CIT: variants seen among roughly 807,000 people sequenced by gnomAD.
CIT encodes the protein citron Rho-interacting kinase.
CIT carries 79 observed loss-of-function variants against 272.7 expected under a neutral mutation model. The ratio of observed to expected loss-of-function variants is 0.29; its 90% confidence interval spans 0.24 to 0.35. The LOEUF is 0.35. CIT is among the 10% of genes least tolerant of loss of function. The pLI, the probability that CIT is intolerant of heterozygous loss-of-function variation, is 1.00. For synonymous variants in CIT, 948 were observed against 995.6 expected (o/e 0.95, Z 0.90); for missense variants, 1,909 against 2,618.3 (o/e 0.73, Z 5.91).
At chr12:119,788,033 A>G (rs751219049) in intron 10 of CIT, among the ~76,000 whole-genome samples, 1 of 152,336 alleles carries the variant, frequency 6.6e-6, no homozygotes, top group Non-Finnish European at 1.5e-5. Context: ...GGCCTAAAGC[A>G]ATTGCTTAAA....
intron 13 of CIT, among the ~76,000 whole-genome samples, chr12:119,778,433 C>A (rs1207797866): frequency 6.6e-6 from 1 of 152,060 alleles, no homozygotes; most frequent in African/African-American, 2.4e-5. Context: ...ACGAAATGAA[C>A]AAGGAATTGA....
rs139848137 is a variant in CIT, at chr12:119,808,197, C to T, written c.1112-4808G>A. On this transcript the variant is annotated intron_variant, in intron 9 of 47. Coordinates refer to ENST00000392521, the MANE Select transcript of CIT (RefSeq NM_001206999.2). ...TTTTGAGGGGAAAAAAATTATCATC[C>T]TCAAAAATATTCGAAAAAAAACAAG... is the stretch of plus-strand genomic sequence containing the variant. 1.1e-4 allele frequency among the ~76,000 whole-genome samples: 16 copies of T among 152,000 alleles called. No individual in the cohort carries two copies. The East Asian group carries it at 2.7e-3, about 26-fold the overall frequency.
intron 23 of CIT, among the ~76,000 whole-genome samples, chr12:119,746,873 T>A (rs1223663540): frequency 2.0e-5 from 3 of 152,202 alleles, no homozygotes; most frequent in African/African-American, 7.2e-5. Context: ...AAGAAAATGG[T>A]AAGTCATATG....
intron 10 of CIT, among the ~76,000 whole-genome samples, chr12:119,794,399 T>C (rs1965556702): frequency 1.3e-5 from 2 of 152,238 alleles, no homozygotes; most frequent in South Asian, 4.1e-4. Context: ...GTGCTGCATG[T>C]ATGCTGGCAT....
At chr12:119,696,402 A>G (rs1956224524) in intron 46 of CIT, among the ~76,000 whole-genome samples, 1 of 152,216 alleles carries the variant, frequency 6.6e-6, no homozygotes, top group Non-Finnish European at 1.5e-5. Flanking sequence ...GAGACCACTC[A>G]GAGGGCTAGG....
At chr12:119,780,056 C>G (rs931459282) in intron 13 of CIT, among the ~76,000 whole-genome samples, 4 of 152,090 alleles carry the variant, frequency 2.6e-5, no homozygotes, top group African/African-American at 9.7e-5. Flanking sequence ...GCCCACCTAA[C>G]GCAAGTCTTC....
chr12:119,810,616 TC>T (rs896744404), intron 9 of CIT, among the ~76,000 whole-genome samples: 1 of 147,346 alleles, frequency 6.8e-6, no homozygotes, highest in Non-Finnish European at 1.5e-5. Flanking sequence ...GGCAGGAGAA[TC>T]CCTCAAACCC....
intron 3 of CIT, 56 bp downstream of exon 3, chr12:119,869,004 T>G: frequency 6.3e-7 from 1 of 1,596,016 alleles, no homozygotes; most frequent in South Asian, 1.1e-5. Context: ...GCCTCAAGCA[T>G]CTTTCTAGTT....
chr12:119,713,025 C>T lies in CIT; in HGVS notation c.4579+178G>A, dbSNP rs970161439. On this transcript the variant is annotated intron_variant, in intron 35 of 47. Coordinates refer to ENST00000392521, the MANE Select transcript of CIT (RefSeq NM_001206999.2). This position sits in a 1 kb window ranked among gnomAD's most constrained non-coding sequence, Gnocchi z 5.2. ...CCTGCGGGTTCTTCAGGGGGGAGAC[C>T]TATAGATGTGAGTATCGCACCAATA... The T allele has an allele frequency of 4.6e-6, 3 of 653,416 alleles. No homozygotes were observed. The highest frequency in any genetic ancestry group is 3.7e-5 in the South Asian group (2 of 54,408). The allele number at this position is 653,416 out of a possible 1,614,324, so 40.5% of individuals were successfully genotyped here. A position where few individuals can be genotyped will look rare whatever the true frequency, so the allele number is the denominator to read the frequency against.
In CIT at chr12:119,772,775, C is replaced by T; in HGVS notation, c.2077G>A (p.Ala693Thr). The change falls in exon 17 of 48, where the codon GCT becomes ACT. Residue 693 changes from alanine to threonine, a missense_variant. By Grantham distance (58) the Ala-to-Thr change is moderately conservative. Around this residue, in one of 8 missense-constraint regions of CIT, gnomAD observed 530 missense variants for 822.4 expected, o/e 0.64. Transcript: ENST00000392521. ...SEGIRKKLVEAEERRHSLENK... is the reference protein window; with the variant it reads ...SEGIRKKLVETEERRHSLENK... ...GCTGGAGGTTCCCTGCTCACCTCAG[C>T]TTCCACCAGCTTCTTTCTGATGCCT... 6.2e-7 allele frequency: 1 copy of T among 1,613,078 alleles called. No homozygotes were observed.
At chr12:119,704,054 T>C (rs974857744) in intron 41 of CIT, among the ~76,000 whole-genome samples, 1 of 152,108 alleles carries the variant, frequency 6.6e-6, no homozygotes, top group Non-Finnish European at 1.5e-5. Context: ...CTTTTTTTTT[T>C]CCACTGGTTT....
intron 2 of CIT, among the ~76,000 whole-genome samples, chr12:119,874,297 C>T (rs574313213): frequency 6.6e-6 from 1 of 152,056 alleles, no homozygotes; most frequent in Non-Finnish European, 1.5e-5. Context: ...GTCTCGAACC[C>T]GTGACCTCAA....
intron 10 of CIT, among the ~76,000 whole-genome samples, chr12:119,788,628 C>T (rs386928): frequency 0.45 from 67,872 of 151,922 alleles, 15,671 homozygotes; most frequent in Admixed American, 0.56. Context: ...TAAAGTGCAC[C>T]GCTGTGGGTA....
At chr12:119,855,236 C>T (rs542203140) in intron 4 of CIT, among the ~76,000 whole-genome samples, 18 of 152,066 alleles carry the variant, frequency 1.2e-4, no homozygotes, top group South Asian at 2.1e-4. Context: ...TCCTGGCTAA[C>T]GAGGTAAAAC....
intron 10 of CIT, among the ~76,000 whole-genome samples, chr12:119,802,913 C>T (rs1358093201): frequency 3.3e-5 from 5 of 152,178 alleles, no homozygotes; most frequent in African/African-American, 1.2e-4. Flanking sequence ...CTGGAAATCT[C>T]CCACTCTCTC....
intron 9 of CIT, among the ~76,000 whole-genome samples, chr12:119,822,369 G>A (rs1387959504): frequency 6.6e-6 from 1 of 152,158 alleles, no homozygotes; most frequent in Non-Finnish European, 1.5e-5. Context: ...AAATATTATC[G>A]AGGGAAACAA....
chr12:119,690,029 A>C lies in CIT; in HGVS notation c.6186+122T>G, dbSNP rs184031648. ...TTCTTCCTAAATTCCTGTGTCTCGC[A>C]AAGTCTGAATTACAGTCATGGAGTT... On this transcript the variant is annotated intron_variant, in intron 47 of 47. Coordinates refer to ENST00000392521, the MANE Select transcript of CIT (RefSeq NM_001206999.2). The surrounding 1 kb of genome is among the most constrained non-coding windows in gnomAD (Gnocchi z 6.0). The C allele has an allele frequency of 1.6e-5, 15 of 964,094 alleles. No homozygotes were observed. The highest frequency in any genetic ancestry group is 1.3e-4 in the Admixed American group (3 of 23,936). 59.7% of individuals were successfully genotyped at this position (964,094 alleles called of 1,614,324 possible). A position where few individuals can be genotyped will look rare whatever the true frequency, so the allele number is the denominator to read the frequency against.
chr12:119,859,727 T>A (rs924516979), intron 3 of CIT, among the ~76,000 whole-genome samples: 1 of 151,624 alleles, frequency 6.6e-6, no homozygotes, highest in Non-Finnish European at 1.5e-5. Flanking sequence ...AGGGAGAGAA[T>A]CACTTGAACC....
At position 119,694,743 on chromosome 12, in the gene CIT, G is replaced by A. The variant is rs553975996; in HGVS notation, c.5882+2916C>T. On this transcript the variant is annotated intron_variant, in intron 46 of 47. Coordinates refer to ENST00000392521, the MANE Select transcript of CIT (RefSeq NM_001206999.2). The surrounding 1 kb of genome is among the most constrained non-coding windows in gnomAD (Gnocchi z 4.5). ...GCTCTCTTGAGCCCAGGAGGCGGAG[G>A]TTGCAGTGAGCCGAGATCACGCCAC... Among the ~76,000 whole-genome samples, 1 of 152,174 alleles carries A rather than the reference G, an allele frequency of 6.6e-6. No homozygotes were observed. Among genetic ancestry groups the A allele is most frequent in the South Asian group, 2.1e-4 (1 of 4,820 alleles).
Sources: gnomAD v4.1 joint callset for allele counts (sites outside exome capture counted in the v4.1 genomes callset) on GRCh38, gnomAD v4.1.1 for gene constraint, gnomAD v4.1.1 regional missense constraint, Gnocchi (gnomAD v3.1) non-coding constraint, MANE v1.5 for transcripts, NCBI Gene and HGNC (gene_info 2026-07-23, HGNC 2026-07-21) for gene names.